The following PCSK1 variants were observed in gnomAD, a reference collection of about 807,000 sequenced individuals.
The protein encoded by PCSK1 is neuroendocrine convertase 1.
A neutral mutation model predicts 90.6 loss-of-function variants in PCSK1; 56 were observed. The observed-to-expected ratio is 0.62, with a 90% confidence interval of 0.50 to 0.77. PCSK1 has a LOEUF of 0.77. PCSK1 is among the 30% of genes least tolerant of loss of function. PCSK1 has a pLI of 0.00. For missense variants in PCSK1, 801 were observed against 932.6 expected (o/e 0.86, Z 1.84); for synonymous variants, 348 against 342.4 (o/e 1.02, Z -0.18).
At chr5:96,416,744 A>G (rs963085063) in intron 5 of PCSK1, among the ~76,000 whole-genome samples, 1 of 152,236 alleles carries the variant, frequency 6.6e-6, no homozygotes. Context: ...TGGAAAGCCA[A>G]GATGCTCCTG....
intron 2 of PCSK1, among the ~76,000 whole-genome samples, chr5:96,429,009 T>C (rs902691215): frequency 2.0e-5 from 3 of 152,140 alleles, no homozygotes; most frequent in Non-Finnish European, 4.4e-5. Flanking sequence ...AAAATTAACT[T>C]TGGCTCAACC....
chr5:96,419,326 TAA>T (rs200853281), intron 5 of PCSK1, among the ~76,000 whole-genome samples: 2,998 of 147,044 alleles, frequency 0.02, 110 homozygotes, highest in African/African-American at 0.07. Context: ...TATATATATA[TAA>T]AACCTCACTT....
intron 2 of PCSK1, among the ~76,000 whole-genome samples, chr5:96,428,262 T>TA (rs1383333757): frequency 1.3e-5 from 2 of 152,150 alleles, no homozygotes; most frequent in African/African-American, 2.4e-5. Flanking sequence ...TATATATATA[T>TA]TTTCCCCCTG....
chr5:96,403,939 TC>T (rs1760470699), intron 9 of PCSK1, among the ~76,000 whole-genome samples: 1 of 152,190 alleles, frequency 6.6e-6, no homozygotes, highest in East Asian at 1.9e-4. Flanking sequence ...GTTTAATATT[TC>T]CAAAGGTGTG....
rs1448132443 is a variant in PCSK1 at position 96,411,050 on chromosome 5, A to G, written c.883-64T>C. 22 of 1,139,410 alleles carry G rather than the reference A, an allele frequency of 1.9e-5. No homozygotes were observed. In the East Asian group the frequency reaches 3.5e-4, roughly 18 times the overall value. 70.6% of individuals were successfully genotyped at this position (1,139,410 alleles called of 1,614,324 possible). On this transcript the variant is annotated intron_variant, in intron 7 of 13. Coordinates refer to ENST00000311106, the MANE Select transcript of PCSK1 (RefSeq NM_000439.5). ...CTATTGGGGTCATTGTTATATCCCA[A>G]TAAAATCCCCAACGACTACATGTGT...
chr5:96,421,938 C>T lies in PCSK1; in HGVS notation c.562G>A (p.Asp188Asn). Residue 188 changes from aspartate to asparagine, a missense_variant, in exon 5 of 14, where the codon GAT (aspartate) becomes AAT (asparagine). Physicochemically the swap from Asp to Asn is conservative, Grantham distance 23. Transcript: ENST00000311106. ...YANYDPEASY[D>N]FNDNDHDPFP... ...GGATCATGGTCATTATCATTAAAATCATAGCTAGCCTCTGGATCCTAAAGA... is the reference window on the plus strand; with the variant it reads ...GGATCATGGTCATTATCATTAAAATTATAGCTAGCCTCTGGATCCTAAAGA... 1 of 1,439,886 alleles carries T rather than the reference C, an allele frequency of 6.9e-7. No homozygotes were observed. Among genetic ancestry groups the T allele is most frequent in the Non-Finnish European group, 9.4e-7 (1 of 1,061,170 alleles). 89.2% of individuals were successfully genotyped at this position (1,439,886 alleles called of 1,614,324 possible). A position where few individuals can be genotyped will look rare whatever the true frequency, so the allele number is the denominator to read the frequency against.
At chr5:96,410,573 A>T (rs1233466789) in intron 8 of PCSK1, among the ~76,000 whole-genome samples, 1 of 152,088 alleles carries the variant, frequency 6.6e-6, no homozygotes, top group African/African-American at 2.4e-5. Flanking sequence ...GGGGAAGATC[A>T]TCTTGGCAGA....
chr5:96,423,249 GC>G, intron 4 of PCSK1, 63 bp downstream of exon 4: 1 of 1,495,270 alleles, frequency 6.7e-7, no homozygotes. Flanking sequence ...AAGAAGGAAA[GC>G]CCTAACTGTG....
chr5:96,424,222 C>T (rs1417627792), intron 3 of PCSK1, among the ~76,000 whole-genome samples: 3 of 152,154 alleles, frequency 2.0e-5, no homozygotes, highest in Non-Finnish European at 2.9e-5. Context: ...TCAAAAGTGT[C>T]AGTGAAGGAG....
rs147207631 is a variant in PCSK1 at position 96,410,238 on chromosome 5, G to A, written c.1095+536C>T. ...GGCTGGAGGAGCTCTCTGAGCATAC[G>A]ACCTCCCCGAGCTGCTTACCCAGAT... On this transcript the variant is annotated intron_variant, in intron 8 of 13. Transcript: ENST00000311106. Among the ~76,000 whole-genome samples the A allele has an allele frequency of 8.5e-5, 13 of 152,162 alleles. No individual in the cohort carries two copies. The East Asian group carries it at 2.3e-3, about 27-fold the overall frequency.
At chr5:96,422,793 G>A (rs1282747622) in intron 4 of PCSK1, among the ~76,000 whole-genome samples, 1 of 152,098 alleles carries the variant, frequency 6.6e-6, no homozygotes, top group African/African-American at 2.4e-5. Context: ...AAACAATGAA[G>A]CAAATTGTTT....
At chr5:96,416,440 A>G (rs1760940931) in intron 5 of PCSK1, among the ~76,000 whole-genome samples, 1 of 152,252 alleles carries the variant, frequency 6.6e-6, no homozygotes, top group Non-Finnish European at 1.5e-5. Context: ...GGCAGATAGT[A>G]AGAACACAGT....
At chr5:96,404,196 T>C (rs550301050) in intron 9 of PCSK1, among the ~76,000 whole-genome samples, 2 of 152,338 alleles carry the variant, frequency 1.3e-5, no homozygotes, top group South Asian at 4.1e-4. Flanking sequence ...GATGAGGTTG[T>C]AGGAAAACAC....
At chr5:96,403,290 G>A (rs546635268) in intron 9 of PCSK1, among the ~76,000 whole-genome samples, 1 of 152,170 alleles carries the variant, frequency 6.6e-6, no homozygotes, top group East Asian at 1.9e-4. Context: ...TATACTTTAA[G>A]TTCTAGGGTA....
intron 7 of PCSK1, among the ~76,000 whole-genome samples, chr5:96,411,353 C>T (rs999204898): frequency 2.0e-5 from 3 of 152,228 alleles, no homozygotes; most frequent in African/African-American, 7.2e-5. Context: ...CTTCAATCTT[C>T]TGGCTGACTG....
chr5:96,396,507 G>A (rs1455450471), intron 12 of PCSK1, among the ~76,000 whole-genome samples: 1 of 150,824 alleles, frequency 6.6e-6, no homozygotes, highest in Non-Finnish European at 1.5e-5. Context: ...GTTGCAGTGA[G>A]CCGAGACTGT....
chr5:96,409,690 G>T (rs932996022), intron 8 of PCSK1, among the ~76,000 whole-genome samples: 1 of 152,212 alleles, frequency 6.6e-6, no homozygotes, highest in Admixed American at 6.5e-5. Flanking sequence ...ACAGCCAGGG[G>T]CTCTGAAGAC....
rs1193144532 is a variant in PCSK1 at position 96,432,250 on chromosome 5, T to C, written c.180+613A>G. ...GCGGGGATAGATGGTCCCGTGTCTT[T>C]CACCCACCATTTCTCCCCCCAGCTT... On this transcript the variant is annotated intron_variant, in intron 1 of 13. Transcript: ENST00000311106. 4.9e-5 allele frequency: 41 copies of C among 837,688 alleles called. No individual in the cohort carries two copies. In the South Asian group the frequency reaches 6.1e-4, roughly 13 times the overall value. 51.9% of individuals were successfully genotyped at this position (837,688 alleles called of 1,614,324 possible). A position where few individuals can be genotyped will look rare whatever the true frequency, so the allele number is the denominator to read the frequency against.
rs762502532 is a variant in PCSK1 at position 96,432,877 on chromosome 5, C to G, written c.166G>C (p.Asp56His). The G allele has an allele frequency of 6.2e-7, 1 of 1,613,778 alleles. No individual in the cohort carries two copies. Among genetic ancestry groups the G allele is most frequent in the East Asian group, 2.2e-5 (1 of 44,874 alleles). ...ASAIAEELGY[D>H]LLGQIGSLEN... Reference sequence around the variant, plus strand: ...GAAACTCTTACCTGACCCAAAAGGTCATAGCCCAGCTCCTCGGCGATGGCC... The same window carrying G: ...GAAACTCTTACCTGACCCAAAAGGTGATAGCCCAGCTCCTCGGCGATGGCC... The change falls in exon 1 of 14, where the codon GAC becomes CAC. Residue 56 changes from aspartate to histidine, a missense_variant. Coordinates refer to ENST00000311106, the MANE Select transcript of PCSK1 (RefSeq NM_000439.5).
Sources: gnomAD v4.1 joint callset for allele counts (sites outside exome capture counted in the v4.1 genomes callset) on GRCh38, gnomAD v4.1.1 for gene constraint, MANE v1.5 for transcripts, NCBI Gene and HGNC (gene_info 2026-07-23, HGNC 2026-07-21) for gene names.